CDKL1: variants seen among roughly 807,000 people sequenced by gnomAD.
CDKL1 encodes cyclin dependent kinase like 1, also known as cyclin-dependent kinase-like 1.
CDKL1 carries 41 observed loss-of-function variants against 42.0 expected under a neutral mutation model. The observed-to-expected ratio is 0.98, with a 90% CI of 0.76 to 1.27. The LOEUF (loss-of-function observed/expected upper bound fraction) is 1.27, where lower values mean the gene tolerates loss of function less well. Among genes scored for constraint, CDKL1 ranks in the 50% most tolerant of loss-of-function variants. The probability of loss-of-function intolerance (pLI) is 0.00; values close to 1 mark genes in which losing one functional copy is unlikely to be tolerated. For missense variants in CDKL1, 394 were observed against 428.4 expected (o/e 0.92, Z 0.71); for synonymous variants, 153 against 158.6 (o/e 0.96, Z 0.26).
Position 50,330,163 on chromosome 14 carries a change from G to C in CDKL1, c.985C>G (p.Leu329Val), listed in dbSNP as rs9323183. The C allele has an allele frequency of 0.054, 87,117 of 1,606,770 alleles. 2,715 individuals carry two copies. The highest frequency in any genetic ancestry group is 0.062 in the Non-Finnish European group (73,419 of 1,178,506). ...ETSKLQYLPQ[L>V]TGSSILPALD... is the part of the protein sequence containing the mutation. Reference sequence around the variant, plus strand: ...GCTGGAAGGATGCTGCTGCCAGTTAGCTGGGGTAGGTACTGCAACTAAAAA... The same window carrying C: ...GCTGGAAGGATGCTGCTGCCAGTTACCTGGGGTAGGTACTGCAACTAAAAA... The change falls in exon 10 of 10, where the codon CTA becomes GTA. Residue 329 changes from leucine to valine, a missense_variant. By Grantham distance (32) the Leu-to-Val change is conservative. Coordinates refer to ENST00000395834, the MANE Select transcript of CDKL1 (RefSeq NM_004196.7).
intron 4 of CDKL1, among the ~76,000 whole-genome samples, chr14:50,343,436 G>T (rs964054833): frequency 1.3e-5 from 2 of 152,050 alleles, no homozygotes; most frequent in African/African-American, 2.4e-5. Flanking sequence ...TGGAAAATTT[G>T]GGGTAAATAA....
At chr14:50,390,445 C>T (rs764680093) in intron 2 of CDKL1, 5 of 1,264,096 alleles carry the variant, frequency 4.0e-6, no homozygotes, top group Non-Finnish European at 5.2e-6. Flanking sequence ...AGCATAGGGG[C>T]TTGGGGCCTT....
Position 50,329,932 on chromosome 14 carries a change from GC to G in CDKL1, c.*141del. The G allele has an allele frequency of 1.0e-6, 1 of 965,182 alleles. No individual in the cohort carries two copies. Among genetic ancestry groups the G allele is most frequent in the East Asian group, 2.9e-5 (1 of 34,940 alleles). The allele number at this position is 965,182 out of a possible 1,614,324, so 59.8% of individuals were successfully genotyped here. On this transcript the variant is annotated 3_prime_UTR_variant, in exon 10 of 10. Coordinates refer to ENST00000395834, the MANE Select transcript of CDKL1 (RefSeq NM_004196.7). ...GATCTGGAATTTCCCTTCATATCTT[GC>G]CAGTTGGCCTCCCAGTTTCTTGCTT...
intron 1 of CDKL1, among the ~76,000 whole-genome samples, 161 bp from the exon 2 acceptor site, chr14:50,396,490 C>G (rs1187834388): frequency 1.3e-5 from 2 of 152,218 alleles, no homozygotes; most frequent in African/African-American, 4.8e-5. Flanking sequence ...CATCCTAAAA[C>G]GAGCCGAGCT....
At chr14:50,332,736 A>C in intron 8 of CDKL1, 1 of 1,439,480 alleles carries the variant, frequency 6.9e-7, no homozygotes, top group Non-Finnish European at 9.4e-7. Flanking sequence ...TCAGTGGCCA[A>C]ATGGGGTAAT....
intron 1 of CDKL1, 106 bp from the exon 2 acceptor site, chr14:50,396,435 T>A: frequency 1.0e-6 from 1 of 985,454 alleles, no homozygotes; most frequent in Non-Finnish European, 1.2e-6. Context: ...AGTAACCCGA[T>A]TTTAATCGCC....
At chr14:50,392,541 T>C (rs2035289828) in intron 2 of CDKL1, among the ~76,000 whole-genome samples, 1 of 151,952 alleles carries the variant, frequency 6.6e-6, no homozygotes, top group Admixed American at 6.6e-5. Context: ...CGCCTCTTCT[T>C]GCCTCCCTTG....
rs1040134845 is a variant in CDKL1 at position 50,329,307 on chromosome 14, C to G, written c.*767G>C. On this transcript the variant is annotated 3_prime_UTR_variant, in exon 10 of 10. Transcript: ENST00000395834. ...TCCTGCAAAGCCTGTAGGTCTTGCT[C>G]TACCCTTTGACTGCCTTAATCAGCT... 6.6e-6 allele frequency: 1 copy of G among 152,284 alleles called. No individual in the cohort carries two copies. The highest frequency in any genetic ancestry group is 2.4e-5 in the African/African-American group (1 of 41,566). The allele number at this position is 152,284 out of a possible 1,614,324, so 9.4% of individuals were successfully genotyped here. A position where few individuals can be genotyped will look rare whatever the true frequency, so the allele number is the denominator to read the frequency against.
At chr14:50,378,741 T>G (rs932674900) in intron 2 of CDKL1, among the ~76,000 whole-genome samples, 2 of 152,158 alleles carry the variant, frequency 1.3e-5, no homozygotes, top group African/African-American at 4.8e-5. Flanking sequence ...CTTACCATCT[T>G]GCTCAGGTTG....
intron 2 of CDKL1, among the ~76,000 whole-genome samples, chr14:50,379,650 G>A (rs1033115235): frequency 1.1e-4 from 16 of 152,162 alleles, no homozygotes; most frequent in African/African-American, 3.9e-4. Context: ...TCCTATAGGT[G>A]AGATAGAAGG....
chr14:50,369,736 A>T (rs2034538334), intron 2 of CDKL1, among the ~76,000 whole-genome samples: 1 of 151,628 alleles, frequency 6.6e-6, no homozygotes, highest in Non-Finnish European at 1.5e-5. Flanking sequence ...CTCCTGCCTC[A>T]GCCTCCTGAG....
chr14:50,339,566 G>T (rs1376078688), intron 6 of CDKL1, among the ~76,000 whole-genome samples: 1 of 151,618 alleles, frequency 6.6e-6, no homozygotes, highest in Non-Finnish European at 1.5e-5. Context: ...GGGAAGGAAG[G>T]AAGAAATCAC....
intron 2 of CDKL1, 145 bp from the exon 3 acceptor site, chr14:50,359,294 C>G: frequency 1.1e-6 from 1 of 875,386 alleles, no homozygotes; most frequent in Non-Finnish European, 1.7e-6. Flanking sequence ...CATCTTACCC[C>G]TCTTAACAAG....
In CDKL1 at chr14:50,332,342, A is replaced by C. The variant is rs771637007; in HGVS notation, c.886T>G (p.Leu296Val). ...YFENIREIED[L>V]AKEHNKPTRK... ...GTTGGTTTGTTGTGTTCTTTTGCCA[A>C]ATCCTCTATTTCTCTGATGTTTTCA... is the stretch of plus-strand genomic sequence containing the variant. Residue 296 changes from leucine to valine, a missense_variant, in exon 9 of 10, where the codon TTG (leucine) becomes GTG (valine). Leu to Val is a conservative substitution (Grantham distance 32). Transcript: ENST00000395834. 5.0e-6 allele frequency: 8 copies of C among 1,614,142 alleles called. No individual in the cohort carries two copies. The highest frequency in any genetic ancestry group is 6.8e-6 in the Non-Finnish European group (8 of 1,180,010).
chr14:50,387,443 A>G (rs2139537263), intron 2 of CDKL1, among the ~76,000 whole-genome samples: 1 of 152,054 alleles, frequency 6.6e-6, no homozygotes, highest in East Asian at 1.9e-4. Context: ...GAATCGCTTG[A>G]GCCTGGGAGG....
upstream of CDKL1, chr14:50,397,011 G>A: frequency 2.6e-6 from 3 of 1,160,536 alleles, no homozygotes; most frequent in Non-Finnish European, 3.4e-6. Flanking sequence ...CCGGCTGCAG[G>A]GAAAGGCCTC....
chr14:50,391,586 T>G (rs1337665631), intron 2 of CDKL1, among the ~76,000 whole-genome samples: 1 of 152,170 alleles, frequency 6.6e-6, no homozygotes, highest in Non-Finnish European at 1.5e-5. Context: ...TTTCACCATG[T>G]TGGCCATGTT....
chr14:50,334,449 GAGA>G (rs1265164357), intron 8 of CDKL1, 113 bp downstream of exon 8: 2 of 731,264 alleles, frequency 2.7e-6, no homozygotes, highest in African/African-American at 1.8e-5. Flanking sequence ...GCCCAGCCAG[GAGA>G]AGAATTCTAA....
At position 50,353,811 on chromosome 14, in the gene CDKL1, G is replaced by A. The variant is rs185160558; in HGVS notation, c.290+5217C>T. 7.8e-3 allele frequency among the ~76,000 whole-genome samples: 1,185 copies of A among 152,126 alleles called. 5 individuals carry two copies. The highest frequency in any genetic ancestry group is 0.011 in the Non-Finnish European group (728 of 68,006). On this transcript the variant is annotated intron_variant, in intron 3 of 9. Transcript: ENST00000395834. ...CTCAGGAGGCTGGAACAGGAGGATC[G>A]CTTGAGCCCAGGAGTTCAAGTTTAG...
Sources: gnomAD v4.1 joint callset for allele counts (sites outside exome capture counted in the v4.1 genomes callset) on GRCh38, gnomAD v4.1.1 for gene constraint, MANE v1.5 for transcripts, NCBI Gene and HGNC (gene_info 2026-07-23, HGNC 2026-07-21) for gene names.